TMTC2: variants seen among roughly 807,000 people sequenced by gnomAD.
The protein encoded by TMTC2 is protein O-mannosyl-transferase TMTC2.
Under a neutral mutation model 82.4 loss-of-function variants are expected in TMTC2, and 43 were observed. The ratio of observed to expected loss-of-function variants is 0.52; its 90% CI spans 0.41 to 0.67. The LOEUF (loss-of-function observed/expected upper bound fraction) is 0.67, where lower values mean the gene tolerates loss of function less well. Among genes scored for constraint, TMTC2 ranks in the 30% least tolerant of loss-of-function variants. The probability of loss-of-function intolerance (pLI) is 0.00; values close to 1 mark genes in which losing one functional copy is unlikely to be tolerated. For synonymous variants in TMTC2, 408 were observed against 381.9 expected (o/e 1.07, Z -0.80); for missense variants, 919 against 1,012.4 (o/e 0.91, Z 1.25).
At chr12:82,690,594 G>A (rs142892366) in intron 1 of TMTC2, among the ~76,000 whole-genome samples, 26 of 152,250 alleles carry the variant, frequency 1.7e-4, no homozygotes, top group Admixed American at 1.2e-3. Context: ...TTTTACAAGT[G>A]TTTCTGTGCT....
At chr12:83,100,996 C>T (rs2137533141) in intron 11 of TMTC2, among the ~76,000 whole-genome samples, 1 of 152,306 alleles carries the variant, frequency 6.6e-6, no homozygotes, top group African/African-American at 2.4e-5. Context: ...TTGTTTTCCT[C>T]ATATTTCAGC....
At chr12:82,756,770 G>A (rs1333340090) in intron 1 of TMTC2, among the ~76,000 whole-genome samples, 1 of 152,112 alleles carries the variant, frequency 6.6e-6, no homozygotes, top group Admixed American at 6.5e-5. Flanking sequence ...CATCCACCCT[G>A]TACTGCAAGT....
At chr12:82,867,494 C>T (rs1871928640) in intron 2 of TMTC2, among the ~76,000 whole-genome samples, 1 of 152,162 alleles carries the variant, frequency 6.6e-6, no homozygotes, top group African/African-American at 2.4e-5. Flanking sequence ...TTAGTTCCTA[C>T]TTAAGGGAGC....
At chr12:83,114,446 G>A (rs1884693245) in intron 11 of TMTC2, among the ~76,000 whole-genome samples, 1 of 152,124 alleles carries the variant, frequency 6.6e-6, no homozygotes. Context: ...AAGCCACCCA[G>A]TTTTGAATCT....
At chr12:82,755,646 G>T (rs1876268447) in intron 1 of TMTC2, among the ~76,000 whole-genome samples, 2 of 152,120 alleles carry the variant, frequency 1.3e-5, no homozygotes. Flanking sequence ...GAATCCTGAG[G>T]ACCTAGTCTG....
intron 7 of TMTC2, among the ~76,000 whole-genome samples, chr12:82,979,314 T>A (rs1450692919): frequency 6.6e-6 from 1 of 151,778 alleles, no homozygotes; most frequent in East Asian, 1.9e-4. Flanking sequence ...TTTAATTTCT[T>A]GCTTTTTATT....
chr12:82,892,736 G>T (rs936162599), intron 2 of TMTC2, among the ~76,000 whole-genome samples: 1 of 152,084 alleles, frequency 6.6e-6, no homozygotes, highest in Admixed American at 6.5e-5. Context: ...ACAAGATATT[G>T]TAATAGAATG....
intron 11 of TMTC2, among the ~76,000 whole-genome samples, chr12:83,069,855 A>C (rs929909023): frequency 1.3e-5 from 2 of 151,678 alleles, no homozygotes; most frequent in Non-Finnish European, 2.9e-5. Flanking sequence ...CATCTTGAGT[A>C]GATTTTTGGG....
At chr12:83,019,143 A>G (rs1880805133) in intron 8 of TMTC2, among the ~76,000 whole-genome samples, 1 of 61,780 alleles carries the variant, frequency 1.6e-5, no homozygotes. Flanking sequence ...TTCCTCTTCT[A>G]ATTTTAAACT....
rs1162321741 is a variant in TMTC2, at chr12:82,937,750, GTATATATATATATATATATA to G, written c.1598+7232_1598+7251del. Among the ~76,000 whole-genome samples the G allele has an allele frequency of 1.5e-3, 154 of 106,038 alleles. 5 individuals carry two copies. The highest frequency in any genetic ancestry group is 0.011 in the Admixed American group (121 of 11,008). The allele number at this position is 106,038 out of a possible 152,430, so 69.6% of individuals were successfully genotyped here. On this transcript the variant is annotated intron_variant, in intron 4 of 11. Transcript: ENST00000321196. ...TGTGGATGTGTGTGTGTGTGTGTGT[GTATATATATATATATATATA>G]TATATATATATATATATATATATAT...
In TMTC2 at chr12:82,914,127, T is replaced by C. The variant is rs553997026; in HGVS notation, c.1484-16304T>C. On this transcript the variant is annotated intron_variant, in intron 3 of 11. Transcript: ENST00000321196. ...ATTAACTTCCCATTCTTTTCTGTTG[T>C]TAAATCAACTGAAAGTACAGAAGAA... is the stretch of plus-strand genomic sequence containing the variant. 9.2e-5 allele frequency among the ~76,000 whole-genome samples: 14 copies of C among 152,330 alleles called. No individual in the cohort carries two copies. In the South Asian group the frequency reaches 1.4e-3, roughly 16 times the overall value.
chr12:82,887,679 T>C (rs1287736020), intron 2 of TMTC2, among the ~76,000 whole-genome samples: 3 of 152,376 alleles, frequency 2.0e-5, no homozygotes, highest in Admixed American at 6.5e-5. Flanking sequence ...TCTAAAATTT[T>C]ATAATTAGAA....
intron 1 of TMTC2, among the ~76,000 whole-genome samples, chr12:82,792,161 T>G (rs890271142): frequency 6.6e-6 from 1 of 152,106 alleles, no homozygotes; most frequent in African/African-American, 2.4e-5. Flanking sequence ...TTGGCTTTTC[T>G]TATCTGAAAA....
intron 11 of TMTC2, among the ~76,000 whole-genome samples, chr12:83,125,602 T>A (rs1190378526): frequency 6.6e-6 from 1 of 152,128 alleles, no homozygotes; most frequent in Non-Finnish European, 1.5e-5. Flanking sequence ...AATCTCAGAT[T>A]TTAGCTTTTT....
At chr12:82,742,762 G>A (rs548019634) in intron 1 of TMTC2, among the ~76,000 whole-genome samples, 193 of 152,260 alleles carry the variant, frequency 1.3e-3, no homozygotes, top group African/African-American at 4.5e-3. Context: ...GACCTCAGGT[G>A]ATCTGCCTGC....
chr12:82,700,405 A>G (rs1309086228), intron 1 of TMTC2, among the ~76,000 whole-genome samples: 1 of 152,240 alleles, frequency 6.6e-6, no homozygotes, highest in Non-Finnish European at 1.5e-5. Flanking sequence ...AGGGCATTTA[A>G]AGATTTTTCA....
intron 1 of TMTC2, among the ~76,000 whole-genome samples, chr12:82,813,885 T>C (rs1480368538): frequency 6.6e-6 from 1 of 152,138 alleles, no homozygotes; most frequent in Non-Finnish European, 1.5e-5. Context: ...AATCAAAGTA[T>C]AGTACCAAAC....
At chr12:82,801,843 G>T (rs12820096) in intron 1 of TMTC2, among the ~76,000 whole-genome samples, 1 of 151,964 alleles carries the variant, frequency 6.6e-6, no homozygotes, top group East Asian at 1.9e-4. Context: ...TGAGCTAGAC[G>T]CAGGGTGCTG....
At position 82,712,937 on chromosome 12, in the gene TMTC2, C is replaced by T. The variant is rs376858504; in HGVS notation, c.83+25268C>T. ...GAAGGAAATAGAGTTGTCACAAAAG[C>T]TGAGGGAAGGAAGAGGAGGAGAGGC... On this transcript the variant is annotated intron_variant, in intron 1 of 11. Transcript: ENST00000321196. Among the ~76,000 whole-genome samples, 67 of 152,038 alleles carry T rather than the reference C, an allele frequency of 4.4e-4. 1 individual carries two copies. In the South Asian group the frequency reaches 6.0e-3, roughly 14 times the overall value.
Sources: allele counts gnomAD v4.1 joint callset (sites outside exome capture counted in the v4.1 genomes callset), GRCh38; gene constraint gnomAD v4.1.1; transcripts MANE v1.5; gene names NCBI Gene and HGNC (gene_info 2026-07-23, HGNC 2026-07-21).